CIITA: variants seen among roughly 807,000 people sequenced by gnomAD.
CIITA encodes the protein MHC class II transactivator.
CIITA carries 72 observed loss-of-function variants against 115.1 expected under a neutral mutation model. That is an observed-to-expected ratio of 0.63 (90% confidence interval 0.52 to 0.76). The LOEUF is 0.76. CIITA is among the 30% of genes least tolerant of loss of function. The pLI is 0.00. For synonymous variants in CIITA, 763 were observed against 635.6 expected (o/e 1.20, Z -3.02); for missense variants, 1,617 against 1,463.8 (o/e 1.10, Z -1.71).
At chr16:10,866,317 C>A (rs749723185) in exon 1 of CIITA, 1 of 569,666 alleles carries the variant, frequency 1.8e-6, no homozygotes. Flanking sequence ...CATCCTGACT[C>A]AGGTGAGAAT....
At chr16:10,914,218 C>A (rs546966574) in intron 13 of CIITA, among the ~76,000 whole-genome samples, 1 of 152,206 alleles carries the variant, frequency 6.6e-6, no homozygotes, top group Admixed American at 6.5e-5. Flanking sequence ...AATCCAAGAA[C>A]CCCCATAAGA....
At chr16:10,902,234 G>C in intron 7 of CIITA, 50 bp downstream of exon 7, 2 of 1,611,074 alleles carry the variant, frequency 1.2e-6, no homozygotes, top group South Asian at 2.2e-5. Flanking sequence ...TTGGGAGGTG[G>C]ATAAGGAGTT....
chr16:10,866,865 A>G (rs990818566), intron 1 of CIITA, among the ~76,000 whole-genome samples: 7 of 152,200 alleles, frequency 4.6e-5, no homozygotes, highest in African/African-American at 1.7e-4. Flanking sequence ...TTAACGGGGC[A>G]TGGATGGACA....
intron 1 of CIITA, among the ~76,000 whole-genome samples, chr16:10,887,477 G>A (rs532703506): frequency 1.0e-4 from 15 of 149,750 alleles, no homozygotes; most frequent in African/African-American, 3.7e-4. Flanking sequence ...TCAAGAGTAG[G>A]GAAGTATTCC....
chr16:10,921,157 G>A (rs1451057890), intron 16 of CIITA, among the ~76,000 whole-genome samples: 1 of 152,230 alleles, frequency 6.6e-6, no homozygotes, highest in African/African-American at 2.4e-5. Flanking sequence ...GTGAGCCACT[G>A]CACCTGCTGC....
At chr16:10,867,062 G>A (rs962975179) in intron 1 of CIITA, among the ~76,000 whole-genome samples, 1 of 152,190 alleles carries the variant, frequency 6.6e-6, no homozygotes, top group African/African-American at 2.4e-5. Flanking sequence ...GGCCAACATG[G>A]CAAAACCCTG....
Position 10,903,718 on chromosome 16 carries a change from AC to A in CIITA, c.773-8del. ...CCTGGTTATTCTCACACCACTCTCC[AC>A]CCCCAATGTAGGTGAGGTGCCCCAG... On this transcript the variant is annotated splice_polypyrimidine_tract_variant and intron_variant, in intron 8 of 19. Coordinates refer to ENST00000324288, the MANE Select transcript of CIITA (RefSeq NM_000246.4). 2 of 1,613,744 alleles carry A rather than the reference AC, an allele frequency of 1.2e-6. No individual in the cohort carries two copies. The highest frequency in any genetic ancestry group is 1.7e-6 in the Non-Finnish European group (2 of 1,179,912).
Position 10,934,975 on chromosome 16 carries a change from C to G in CIITA, c.*11120C>G, listed in dbSNP as rs2145397146. Reference sequence around the variant, plus strand: ...AAGGAAAGGGGGAAGGCTTCCTGGGCTAGAGCCCCTTCAGGGTCTGACACG... The same window carrying G: ...AAGGAAAGGGGGAAGGCTTCCTGGGGTAGAGCCCCTTCAGGGTCTGACACG... On this transcript the variant is annotated 3_prime_UTR_variant, in exon 20 of 20. Transcript: ENST00000324288. This position sits in a 1 kb window ranked among gnomAD's most constrained non-coding sequence, Gnocchi z 4.2. 1 of 152,396 alleles carries G rather than the reference C, an allele frequency of 6.6e-6. No individual in the cohort carries two copies. Among genetic ancestry groups the G allele is most frequent in the African/African-American group, 2.4e-5 (1 of 41,576 alleles). The allele number at this position is 152,396 out of a possible 1,614,324, so 9.4% of individuals were successfully genotyped here.
Position 10,884,463 on chromosome 16 carries a change from G to A in CIITA, c.52+7081G>A, listed in dbSNP as rs915890581. ...AAAGTCTCACTCTGTTGCCCAGGTT[G>A]GAGTGCAGTGGCACAGTCATTGCTC... is the stretch of plus-strand genomic sequence containing the variant. On this transcript the variant is annotated intron_variant, in intron 1 of 19. Coordinates refer to ENST00000324288, the MANE Select transcript of CIITA (RefSeq NM_000246.4). Among the ~76,000 whole-genome samples, 6 of 152,162 alleles carry A rather than the reference G, an allele frequency of 3.9e-5. 1 individual carries two copies. Among genetic ancestry groups the A allele is most frequent in the Admixed American group, 2.6e-4 (4 of 15,282 alleles).
At chr16:10,873,473 G>A (rs946469493), upstream of CIITA, among the ~76,000 whole-genome samples, 3 of 152,234 alleles carry the variant, frequency 2.0e-5, no homozygotes, top group Non-Finnish European at 4.4e-5. Context: ...TAGTTAGCTG[G>A]AAGCGCGATG....
At chr16:10,908,631 C>T (rs916549555) in intron 11 of CIITA, 3 of 440,950 alleles carry the variant, frequency 6.8e-6, no homozygotes, top group African/African-American at 6.0e-5. Flanking sequence ...AGGGACACTC[C>T]ACCACTGTCA....
In CIITA at chr16:10,930,302, T is replaced by C. The variant is rs1476652916; in HGVS notation, c.*6447T>C. The C allele has an allele frequency of 6.6e-6, 1 of 152,240 alleles. No homozygotes were observed. Among genetic ancestry groups the C allele is most frequent in the Non-Finnish European group, 1.5e-5 (1 of 68,046 alleles). 9.4% of individuals were successfully genotyped at this position (152,240 alleles called of 1,614,324 possible). A position where few individuals can be genotyped will look rare whatever the true frequency, so the allele number is the denominator to read the frequency against. Reference sequence around the variant, plus strand: ...GTTAAACATGTGACATGTATTGTTGTTTGACAGGGTGCTATTGACATTTGG... The same window carrying C: ...GTTAAACATGTGACATGTATTGTTGCTTGACAGGGTGCTATTGACATTTGG... On this transcript the variant is annotated 3_prime_UTR_variant, in exon 20 of 20. Transcript: ENST00000324288.
chr16:10,901,630 C>T lies in CIITA; in HGVS notation c.481+72C>T. ...GGAGGGGATGGAAGAGATTGAACTC[C>T]TGGCCCAAGTCTGATGGGGATGGTG... On this transcript the variant is annotated intron_variant, in intron 6 of 19. Coordinates refer to ENST00000324288, the MANE Select transcript of CIITA (RefSeq NM_000246.4). This position sits in a 1 kb window ranked among gnomAD's most constrained non-coding sequence, Gnocchi z 6.8. 4.0e-6 allele frequency: 6 copies of T among 1,494,108 alleles called. No individual in the cohort carries two copies. The South Asian group carries it at 6.9e-5, about 17-fold the overall frequency. The allele number at this position is 1,494,108 out of a possible 1,614,324, so 92.6% of individuals were successfully genotyped here. A position where few individuals can be genotyped will look rare whatever the true frequency, so the allele number is the denominator to read the frequency against.
intron 9 of CIITA, among the ~76,000 whole-genome samples, chr16:10,904,431 G>A (rs1342602487): frequency 6.6e-6 from 1 of 152,092 alleles, no homozygotes; most frequent in African/African-American, 2.4e-5. Context: ...ATGTTGGCCA[G>A]GCTGGTCTCG....
rs542574121 is a variant in CIITA, at chr16:10,920,884, C to CT, written c.3150-1274dup. 6.0e-4 allele frequency among the ~76,000 whole-genome samples: 90 copies of CT among 151,126 alleles called. No individual in the cohort carries two copies. The highest frequency in any genetic ancestry group is 2.4e-3 in the Admixed American group (37 of 15,138). On this transcript the variant is annotated intron_variant, in intron 16 of 19. Transcript: ENST00000324288. The surrounding 1 kb of genome is among the most constrained non-coding windows in gnomAD (Gnocchi z 4.5). ...ACCTGCTGCATTTATTTATTTTTTT[C>CT]TTTTTTTTTCGAGACAGAGTTTCGC...
rs1017503774 is a variant in CIITA, at chr16:10,932,326, G to A, written c.*8471G>A. On this transcript the variant is annotated 3_prime_UTR_variant, in exon 20 of 20. Transcript: ENST00000324288. ...ACTTTGTGTTCACCTTGTACTACTC[G>A]AACTCATGTCTTAACTCACTTATCC... 2.0e-5 allele frequency: 3 copies of A among 152,140 alleles called. No homozygotes were observed. The highest frequency in any genetic ancestry group is 1.9e-4 in the East Asian group (1 of 5,198). The allele number at this position is 152,140 out of a possible 1,614,324, so 9.4% of individuals were successfully genotyped here.
At position 10,931,610 on chromosome 16, in the gene CIITA, A is replaced by G. The variant is rs966012765; in HGVS notation, c.*7755A>G. On this transcript the variant is annotated 3_prime_UTR_variant, in exon 20 of 20. Transcript: ENST00000324288. ...TGTAATCCCAACACTTTGGGAGGCT[A>G]AGGTGGGTGGATCAGTTGAGATCAG... 6.6e-6 allele frequency: 1 copy of G among 152,150 alleles called. No individual in the cohort carries two copies. Among genetic ancestry groups the G allele is most frequent in the African/African-American group, 2.4e-5 (1 of 41,410 alleles). 9.4% of individuals were successfully genotyped at this position (152,150 alleles called of 1,614,324 possible). A position where few individuals can be genotyped will look rare whatever the true frequency, so the allele number is the denominator to read the frequency against.
chr16:10,906,553 C>G lies in CIITA; in HGVS notation c.1061C>G (p.Ala354Gly). ...CAGGACACGTATGGTGCCGAGCCCG[C>G]AGGCCCGGATGGCATCCTAGTGGAG... ...SLQDTYGAEP[A>G]GPDGILVEVD... The change falls in exon 11 of 20, where the codon GCA (alanine) becomes GGA (glycine). Residue 354 changes from alanine to glycine, a missense_variant. Transcript: ENST00000324288. The G allele has an allele frequency of 1.2e-6, 2 of 1,613,038 alleles. No individual in the cohort carries two copies. Among genetic ancestry groups the G allele is most frequent in the Non-Finnish European group, 1.7e-6 (2 of 1,180,020 alleles).
intron 2 of CIITA, 24 bp downstream of exon 2, chr16:10,895,452 C>T (rs780339770): frequency 6.2e-7 from 1 of 1,612,016 alleles, no homozygotes; most frequent in Non-Finnish European, 8.5e-7. Context: ...CCTCTGGTCT[C>T]TTCCGGTATC....
Sources: allele counts gnomAD v4.1 joint callset (sites outside exome capture counted in the v4.1 genomes callset), GRCh38; gene constraint gnomAD v4.1.1; non-coding constraint Gnocchi (gnomAD v3.1); transcripts MANE v1.5; gene names NCBI Gene and HGNC (gene_info 2026-07-23, HGNC 2026-07-21).